The following NHSL2 variants were observed in gnomAD, a reference collection of about 807,000 sequenced individuals.
NHSL2 encodes NHS like 2, also known as NHS-like protein 2.
A neutral mutation model predicts 53.4 loss-of-function variants in NHSL2; 27 were observed. That is an observed-to-expected ratio of 0.51 (90% CI 0.37 to 0.70). The LOEUF (loss-of-function observed/expected upper bound fraction) is 0.70, where lower values mean the gene tolerates loss of function less well. Among genes scored for constraint, NHSL2 ranks in the 30% least tolerant of loss-of-function variants. NHSL2 has a pLI of 0.00. For missense variants in NHSL2, 892 were observed against 980.1 expected, an observed-to-expected ratio of 0.91 and a Z score of 1.20; for synonymous variants, 408 against 404.1, an observed-to-expected ratio of 1.01 and a Z score of -0.12.
intron 1 of NHSL2, among the ~76,000 whole-genome samples, chrX:71,945,798 C>T (rs1163047747): frequency 9.0e-6 from 1 of 111,518 alleles, no homozygotes; most frequent in African/African-American, 3.3e-5. Context: ...GCAATAGCTG[C>T]CATTTATTGA....
chrX:71,926,475 A>G (rs2041685890), intron 1 of NHSL2, among the ~76,000 whole-genome samples: 1 of 110,610 alleles, frequency 9.0e-6, no homozygotes, highest in Non-Finnish European at 1.9e-5. Flanking sequence ...ATCACCGGGC[A>G]CACTTTGAAC....
rs2042392346 is a variant in NHSL2 at position 72,139,472 on chromosome X, G to A, written c.1924G>A (p.Asp642Asn). 2 of 1,210,368 alleles carry A rather than the reference G, an allele frequency of 1.7e-6. No homozygotes were observed. Among genetic ancestry groups the A allele is most frequent in the Non-Finnish European group, 2.2e-6 (2 of 894,523 alleles). ...ATTCTCCCACCACTGGTATCTTACT[G>A]ACTGGAAGTCTGGTGACACCTACCA... Reference protein sequence around the residue: ...TQFSHHWYLTDWKSGDTYQSL... With the variant: ...TQFSHHWYLTNWKSGDTYQSL... The change falls in exon 6 of 8, where the codon GAC becomes AAC. Residue 642 changes from aspartate (D) to asparagine (N), a missense_variant. Coordinates refer to ENST00000633930, the MANE Select transcript of NHSL2 (RefSeq NM_001013627.3).
At chrX:72,123,864 GCCCCGCTCTA>G (rs2042200903) in intron 1 of NHSL2, among the ~76,000 whole-genome samples, 1 of 110,433 alleles carries the variant, frequency 9.1e-6, no homozygotes, top group Admixed American at 9.5e-5. Context: ...GAGGCGAGGG[GCCCCGCTCTA>G]CCCCATGTGT....
intron 1 of NHSL2, among the ~76,000 whole-genome samples, chrX:71,923,002 G>T (rs935952657): frequency 2.7e-5 from 3 of 112,472 alleles, no homozygotes; most frequent in African/African-American, 9.7e-5. Flanking sequence ...TTATTGGCTT[G>T]CACAGAAGTT....
intron 1 of NHSL2, among the ~76,000 whole-genome samples, chrX:72,108,833 G>A (rs1223897451): frequency 9.0e-6 from 1 of 111,365 alleles, no homozygotes; most frequent in East Asian, 2.8e-4. Flanking sequence ...TCCCTTCCCC[G>A]CCCCAGACCA....
chrX:72,108,928 C>G (rs2042068360), intron 1 of NHSL2, among the ~76,000 whole-genome samples: 1 of 111,380 alleles, frequency 9.0e-6, no homozygotes, highest in Non-Finnish European at 1.9e-5. Context: ...GTAATATGGC[C>G]CCTGACCACC....
intron 1 of NHSL2, among the ~76,000 whole-genome samples, chrX:72,040,530 C>G (rs749667134): frequency 8.9e-6 from 1 of 112,157 alleles, no homozygotes; most frequent in South Asian, 3.7e-4. Flanking sequence ...CTGGAGGCCA[C>G]ATTCTAAACG....
chrX:71,975,584 T>TGCCCCTTCCCC (rs1435344375), intron 1 of NHSL2, among the ~76,000 whole-genome samples: 1 of 111,569 alleles, frequency 9.0e-6, no homozygotes, highest in Non-Finnish European at 1.9e-5. Context: ...GCCCATTCCC[T>TGCCCCTTCCCC]GCCCCTTCCC....
chrX:71,984,189 G>T (rs982981421), intron 1 of NHSL2, among the ~76,000 whole-genome samples: 1 of 111,278 alleles, frequency 9.0e-6, no homozygotes, highest in Admixed American at 9.6e-5. Flanking sequence ...TTGCAATCAG[G>T]GTAGAGAGGA....
chrX:72,057,499 T>G (rs1335575469), intron 1 of NHSL2, among the ~76,000 whole-genome samples: 1 of 111,921 alleles, frequency 8.9e-6, no homozygotes, highest in Non-Finnish European at 1.9e-5. Context: ...TCTGTCTGAC[T>G]TGGCACTCAT....
At chrX:71,916,994 C>T (rs1204227892) in intron 1 of NHSL2, among the ~76,000 whole-genome samples, 1 of 111,817 alleles carries the variant, frequency 8.9e-6, no homozygotes, top group Admixed American at 9.5e-5. Context: ...GCTATCAGCT[C>T]TCCCCTGCTC....
intron 1 of NHSL2, among the ~76,000 whole-genome samples, chrX:72,062,692 G>A: frequency 8.9e-6 from 1 of 112,520 alleles, no homozygotes; most frequent in Middle Eastern, 4.6e-3. Flanking sequence ...TCCTTTGCAA[G>A]TCTAGAGAAC....
intron 1 of NHSL2, among the ~76,000 whole-genome samples, chrX:72,020,608 A>AG (rs1258022144): frequency 9.0e-6 from 1 of 111,415 alleles, no homozygotes; most frequent in African/African-American, 3.3e-5. Context: ...CTTTCTAGGG[A>AG]GGGGGGAAGG....
intron 1 of NHSL2, among the ~76,000 whole-genome samples, chrX:71,962,597 G>C (rs1398539666): frequency 9.7e-6 from 1 of 102,653 alleles, no homozygotes; most frequent in Non-Finnish European, 2.0e-5. Context: ...CTGTAAGGTT[G>C]GTAGCAATGT....
chrX:71,919,441 C>T (rs1410869558), intron 1 of NHSL2, among the ~76,000 whole-genome samples: 2 of 112,261 alleles, frequency 1.8e-5, no homozygotes, highest in South Asian at 3.8e-4. Flanking sequence ...TGAAATTCCA[C>T]GAAGCTTGCT....
intron 1 of NHSL2, among the ~76,000 whole-genome samples, chrX:71,996,002 C>T (rs775320349): frequency 3.6e-5 from 4 of 112,129 alleles, no homozygotes; most frequent in Admixed American, 1.9e-4. Context: ...GAACAGATCA[C>T]GTAGGGGAAG....
At chrX:71,919,188 G>C (rs2041644097) in intron 1 of NHSL2, among the ~76,000 whole-genome samples, 1 of 111,947 alleles carries the variant, frequency 8.9e-6, no homozygotes. Flanking sequence ...AAAGACAATG[G>C]ATGACATGTT....
chrX:72,078,536 G>A (rs1171182903), intron 1 of NHSL2, among the ~76,000 whole-genome samples: 1 of 111,432 alleles, frequency 9.0e-6, no homozygotes, highest in Non-Finnish European at 1.9e-5. Context: ...CTCCAGCTAC[G>A]GCCCTCTTTC....
At chrX:72,116,005 C>G (rs2042136038) in intron 1 of NHSL2, among the ~76,000 whole-genome samples, 2 of 111,408 alleles carry the variant, frequency 1.8e-5, no homozygotes, top group African/African-American at 3.3e-5. Flanking sequence ...AATTCTGATG[C>G]ACACACTCAA....
Sources: gnomAD v4.1 joint callset for allele counts (sites outside exome capture counted in the v4.1 genomes callset) on GRCh38, gnomAD v4.1.1 for gene constraint, MANE v1.5 for transcripts, NCBI Gene and HGNC (gene_info 2026-07-23, HGNC 2026-07-21) for gene names.